Variants in UPK3B observed in about 807,000 individuals in gnomAD.
UPK3B encodes uroplakin-3b.
A neutral mutation model predicts 27.6 loss-of-function variants in UPK3B; 21 were observed. That is an observed-to-expected ratio of 0.76 (90% CI 0.54 to 1.10). The LOEUF (loss-of-function observed/expected upper bound fraction) is 1.10, where lower values mean the gene tolerates loss of function less well. Among genes scored for constraint, UPK3B ranks in the 50% least tolerant of loss-of-function variants. UPK3B has a pLI of 0.00. For missense variants in UPK3B, 306 were observed against 376.1 expected (o/e 0.81, Z 1.54); for synonymous variants, 141 against 162.3 (o/e 0.87, Z 1.00).
rs1279190957 is a variant in UPK3B, at chr7:76,515,190, A to G, written c.817A>G (p.Ser273Gly). The stretch of plus-strand genomic sequence containing the variant: ...CAAGCCTGGCCTGGACCCCCTCCCC[A>G]GCCTCAGCCCCTAGCCTGGCCTCTT... ...GCKPGLDPLP[S>G]LSP Residue 273 changes from serine to glycine, a missense_variant, in exon 6 of 6, where the codon AGC (serine) becomes GGC (glycine). Around this residue, in one of 4 missense-constraint regions of UPK3B, gnomAD observed 174 missense variants for 166.6 expected, o/e 1.04. Transcript: ENST00000334348. 9 of 1,593,528 alleles carry G rather than the reference A, an allele frequency of 5.6e-6. No individual in the cohort carries two copies. Among genetic ancestry groups the G allele is most frequent in the Non-Finnish European group, 7.7e-6 (9 of 1,170,310 alleles).
Position 76,511,700 on chromosome 7 carries a change from G to T in UPK3B, c.279G>T (p.Pro93=). Residue 93 remains proline (P), a synonymous_variant, in exon 3 of 6, where the codon CCG becomes CCT. Coordinates refer to ENST00000334348, the MANE Select transcript of UPK3B (RefSeq NM_001347684.2). ...ACCCGGAGACACTGGCTGACATTCC[G>T]GCCTCCCCACAGCTGCTGACCGATG... ...FQNPETLADI[P]ASPQLLTDGH... is the part of the protein sequence containing the mutation. The T allele has an allele frequency of 6.2e-7, 1 of 1,608,822 alleles. No homozygotes were observed. Among genetic ancestry groups the T allele is most frequent in the Non-Finnish European group, 8.5e-7 (1 of 1,178,090 alleles).
Position 76,515,368 on chromosome 7 carries a change from C to A in UPK3B, c.*164C>A. The A allele has an allele frequency of 1.3e-6, 2 of 1,496,760 alleles. No homozygotes were observed. Among genetic ancestry groups the A allele is most frequent in the Non-Finnish European group, 8.9e-7 (1 of 1,124,590 alleles). The allele number at this position is 1,496,760 out of a possible 1,614,324, so 92.7% of individuals were successfully genotyped here. The stretch of plus-strand genomic sequence containing the variant: ...GGAATCCCAGCACCAGCCCCCCTGC[C>A]TCTCCTCTGCCTTTCTGGTTTCTCT... On this transcript the variant is annotated 3_prime_UTR_variant, in exon 6 of 6. Transcript: ENST00000334348.
rs1812686882 is a variant in UPK3B, at chr7:76,515,104, G to A, written c.731G>A (p.Gly244Asp). Residue 244 changes from glycine to aspartate, a missense_variant, in exon 6 of 6, where the codon GGC becomes GAC. Gly to Asp is a moderately conservative substitution (Grantham distance 94). Transcript: ENST00000334348. Reference sequence around the variant, plus strand: ...CAGCTGCGGATCGGCTCCTTCATGGGCAAGCGCTACATGACCCACCACATC... The same window carrying A: ...CAGCTGCGGATCGGCTCCTTCATGGACAAGCGCTACATGACCCACCACATC... Reference protein sequence around the residue: ...PEQLRIGSFMGKRYMTHHIPP... With the variant: ...PEQLRIGSFMDKRYMTHHIPP... 5 of 1,601,224 alleles carry A rather than the reference G, an allele frequency of 3.1e-6. No individual in the cohort carries two copies. The highest frequency in any genetic ancestry group is 4.3e-6 in the Non-Finnish European group (5 of 1,175,150).
intron 3 of UPK3B, among the ~76,000 whole-genome samples, chr7:76,512,151 G>A (rs1174583394): frequency 1.1e-4 from 16 of 151,714 alleles, no homozygotes; most frequent in Non-Finnish European, 2.1e-4. Context: ...CAAAGTCTAG[G>A]CCCCTGTCCC....
At chr7:76,510,870 C>G in intron 1 of UPK3B, 33 bp from the exon 2 acceptor site, 1 of 1,596,836 alleles carries the variant, frequency 6.3e-7, no homozygotes, top group Non-Finnish European at 8.5e-7. Flanking sequence ...ACGCCCGTCT[C>G]CGTGGCTCAC....
intron 5 of UPK3B, 117 bp downstream of exon 5, chr7:76,514,193 A>G: frequency 1.3e-6 from 2 of 1,497,110 alleles, no homozygotes; most frequent in Non-Finnish European, 9.1e-7. Flanking sequence ...TTTGGTAGAG[A>G]CAGGGACTTG....
At chr7:76,514,422 C>T (rs557131592) in intron 5 of UPK3B, among the ~76,000 whole-genome samples, 66 of 152,304 alleles carry the variant, frequency 4.3e-4, no homozygotes, top group Non-Finnish European at 9.0e-4. Context: ...AGGACAGGTT[C>T]GGGAGGTCCC....
chr7:76,511,244 C>T (rs1812521295), intron 2 of UPK3B, among the ~76,000 whole-genome samples, 192 bp downstream of exon 2: 1 of 151,820 alleles, frequency 6.6e-6, no homozygotes, highest in African/African-American at 2.4e-5. Context: ...TAGTGAACAC[C>T]AAATCCCGGG....
At chr7:76,513,900 C>T (rs772292018) in intron 4 of UPK3B, 47 bp from the exon 5 acceptor site, 1 of 1,610,956 alleles carries the variant, frequency 6.2e-7, no homozygotes, top group South Asian at 1.1e-5. Context: ...TGACAGCCAG[C>T]CCTGGGGTCG....
chr7:76,514,103 C>G, intron 5 of UPK3B, 27 bp downstream of exon 5: 1 of 1,613,894 alleles, frequency 6.2e-7, no homozygotes, highest in South Asian at 1.1e-5. Context: ...CCTCGGGCCC[C>G]TCTCCCACCC....
rs1812629924 is a variant in UPK3B, at chr7:76,513,943, G to A, written c.542-4G>A. ...GCCCCTCTGAGCAGCTGGTGTGTGTGCAGGGAAGACCCCCGGATCCATCGA... is the reference window on the plus strand; with the variant it reads ...GCCCCTCTGAGCAGCTGGTGTGTGTACAGGGAAGACCCCCGGATCCATCGA... On this transcript the variant is annotated splice_region_variant and splice_polypyrimidine_tract_variant and intron_variant, in intron 4 of 5. Coordinates refer to ENST00000334348, the MANE Select transcript of UPK3B (RefSeq NM_001347684.2). 6.2e-7 allele frequency: 1 copy of A among 1,613,792 alleles called. No individual in the cohort carries two copies. Among genetic ancestry groups the A allele is most frequent in the South Asian group, 1.1e-5 (1 of 91,084 alleles).
In UPK3B at chr7:76,510,718, C is replaced by T. The variant is rs769678497; in HGVS notation, c.66C>T (p.Leu22=). Residue 22 remains leucine (L), a synonymous_variant, in exon 1 of 6, where the codon CTC becomes CTT. Coordinates refer to ENST00000334348, the MANE Select transcript of UPK3B (RefSeq NM_001347684.2). ...LQMLLLALNC[L]RPSLSLELVP... ...TGCTCCTCCTGGCGTTGAACTGTCT[C>T]CGGCCCAGCCTGAGCCTGGGTGAGT... 1.3e-6 allele frequency: 2 copies of T among 1,518,508 alleles called. No individual in the cohort carries two copies. Among genetic ancestry groups the T allele is most frequent in the Non-Finnish European group, 1.8e-6 (2 of 1,131,866 alleles). 94.1% of individuals were successfully genotyped at this position (1,518,508 alleles called of 1,614,324 possible). A position where few individuals can be genotyped will look rare whatever the true frequency, so the allele number is the denominator to read the frequency against.
chr7:76,512,038 G>T (rs1812552258), intron 3 of UPK3B, among the ~76,000 whole-genome samples, 156 bp downstream of exon 3: 1 of 149,822 alleles, frequency 6.7e-6, no homozygotes, highest in South Asian at 2.2e-4. Context: ...TGTAGAGTCA[G>T]CAACAGTGCT....
At position 76,516,006 on chromosome 7, in the gene UPK3B, C is replaced by T. The variant is rs1464402895; in HGVS notation, c.*802C>T. ...TTAGACCGTCACCCCAGTAGGCTCT[C>T]CAGGACCCAGGAGCCTCCATCACCT... On this transcript the variant is annotated 3_prime_UTR_variant, in exon 6 of 6. Transcript: ENST00000334348. The T allele has an allele frequency of 3.3e-6, 2 of 609,706 alleles. 1 individual carries two copies. The highest frequency in any genetic ancestry group is 9.2e-5 in the African/African-American group (2 of 21,668). The allele number at this position is 609,706 out of a possible 1,614,324, so 37.8% of individuals were successfully genotyped here. A position where few individuals can be genotyped will look rare whatever the true frequency, so the allele number is the denominator to read the frequency against.
chr7:76,513,983 G>C lies in UPK3B; in HGVS notation c.578G>C (p.Arg193Pro). The change falls in exon 5 of 6, where the codon CGG becomes CCG. Residue 193 changes from arginine (R) to proline (P), a missense_variant. By Grantham distance (103) the Arg-to-Pro change is moderately radical. This residue lies in a region of UPK3B where 174 missense variants were observed against 166.6 expected (regional missense o/e 1.04). Coordinates refer to ENST00000334348, the MANE Select transcript of UPK3B (RefSeq NM_001347684.2). ...GGATCCATCGACACCTGGCCAGGGC[G>C]GCGAAGTGGCAGCATGATCGTCATT... Reference protein sequence around the residue: ...TPGSIDTWPGRRSGSMIVITS... With the variant: ...TPGSIDTWPGPRSGSMIVITS... 1.2e-6 allele frequency: 2 copies of C among 1,613,834 alleles called. No homozygotes were observed. The highest frequency in any genetic ancestry group is 1.7e-6 in the Non-Finnish European group (2 of 1,179,932).
At position 76,516,053 on chromosome 7, in the gene UPK3B, C is replaced by T; in HGVS notation, c.*849C>T. 1.6e-6 allele frequency: 1 copy of T among 610,064 alleles called. No homozygotes were observed. The highest frequency in any genetic ancestry group is 1.9e-6 in the Non-Finnish European group (1 of 529,370). The allele number at this position is 610,064 out of a possible 1,614,324, so 37.8% of individuals were successfully genotyped here. On this transcript the variant is annotated 3_prime_UTR_variant, in exon 6 of 6. Coordinates refer to ENST00000334348, the MANE Select transcript of UPK3B (RefSeq NM_001347684.2). The stretch of plus-strand genomic sequence containing the variant: ...ACCTGGAAGGACCCTCTGTGCAAAA[C>T]CTCAAGCGTCCATCTGTGCACAAGG...
chr7:76,511,599 T>A, intron 2 of UPK3B, 58 bp from the exon 3 acceptor site: 2 of 1,404,382 alleles, frequency 1.4e-6, no homozygotes. Context: ...GAACCCCCAC[T>A]CATAAGGACA....
Position 76,513,182 on chromosome 7 carries a change from G to T in UPK3B, c.541+19G>T, listed in dbSNP as rs762353422. Reference sequence around the variant, plus strand: ...CACCAAGGTAGCGCTGGGCAGGAGGGGCGCTGCCCCCAGTGGACTCACGAT... The same window carrying T: ...CACCAAGGTAGCGCTGGGCAGGAGGTGCGCTGCCCCCAGTGGACTCACGAT... On this transcript the variant is annotated intron_variant, in intron 4 of 5. Coordinates refer to ENST00000334348, the MANE Select transcript of UPK3B (RefSeq NM_001347684.2). The T allele has an allele frequency of 1.2e-6, 2 of 1,608,684 alleles. No homozygotes were observed. The highest frequency in any genetic ancestry group is 1.7e-6 in the Non-Finnish European group (2 of 1,175,904).
chr7:76,513,346 CA>C (rs1812604505), intron 4 of UPK3B, among the ~76,000 whole-genome samples, 183 bp downstream of exon 4: 2 of 152,156 alleles, frequency 1.3e-5, no homozygotes, highest in Non-Finnish European at 1.5e-5. Context: ...GCCCCCTCGG[CA>C]GGGGCACCAT....
Sources: allele counts gnomAD v4.1 joint callset (sites outside exome capture counted in the v4.1 genomes callset), GRCh38; gene constraint gnomAD v4.1.1; regional missense constraint gnomAD v4.1.1; transcripts MANE v1.5; gene names NCBI Gene and HGNC (gene_info 2026-07-23, HGNC 2026-07-21).